ZC2HC1B: variants seen among roughly 807,000 people sequenced by gnomAD.
The protein encoded by ZC2HC1B is zinc finger C2HC domain-containing protein 1B.
ZC2HC1B carries 36 observed loss-of-function variants against 31.0 expected under a neutral mutation model. That is an observed-to-expected ratio of 1.16 (90% CI 0.89 to 1.54). The LOEUF is 1.54. Among genes scored for constraint, ZC2HC1B ranks in the 40% most tolerant of loss-of-function variants. ZC2HC1B has a pLI of 0.00. For missense variants in ZC2HC1B, 260 were observed against 268.6 expected (o/e 0.97, Z 0.22); for synonymous variants, 73 against 88.0 (o/e 0.83, Z 0.95).
chr6:143,894,852 A>T (rs986824470), intron 4 of ZC2HC1B, among the ~76,000 whole-genome samples: 3 of 152,196 alleles, frequency 2.0e-5, no homozygotes, highest in Admixed American at 2.0e-4. Flanking sequence ...AATTTCTCTC[A>T]CATTTTAGAT....
intron 6 of ZC2HC1B, among the ~76,000 whole-genome samples, chr6:143,910,943 G>C (rs1777848469): frequency 6.6e-6 from 1 of 152,006 alleles, no homozygotes; most frequent in African/African-American, 2.4e-5. Flanking sequence ...TGTGGAGATG[G>C]GGTTTAACCA....
intron 6 of ZC2HC1B, among the ~76,000 whole-genome samples, chr6:143,928,519 T>C (rs1430267383): frequency 1.3e-5 from 2 of 152,166 alleles, no homozygotes; most frequent in African/African-American, 2.4e-5. Flanking sequence ...TATAGACTTA[T>C]AGTATAATGT....
Position 143,871,333 on chromosome 6 carries a change from G to C in ZC2HC1B, c.28+6766G>C, listed in dbSNP as rs1241588828. 6.6e-6 allele frequency among the ~76,000 whole-genome samples: 1 copy of C among 152,174 alleles called. No homozygotes were observed. The highest frequency in any genetic ancestry group is 1.9e-4 in the East Asian group (1 of 5,192). The stretch of plus-strand genomic sequence containing the variant: ...TCTCTGAATAAGATTATGACACAAA[G>C]CCAAACAGTTAATATACCTCTGAGG... On this transcript the variant is annotated intron_variant, in intron 1 of 7. Coordinates refer to ENST00000237275, the MANE Select transcript of ZC2HC1B (RefSeq NM_001013623.3). This position sits in a 1 kb window ranked among gnomAD's most constrained non-coding sequence, Gnocchi z 4.1.
At chr6:143,909,152 C>T (rs552945988) in intron 6 of ZC2HC1B, among the ~76,000 whole-genome samples, 1 of 152,240 alleles carries the variant, frequency 6.6e-6, no homozygotes, top group South Asian at 2.1e-4. Flanking sequence ...TTTTGATGTG[C>T]TGCTGGATTT....
At position 143,903,151 on chromosome 6, in the gene ZC2HC1B, A is replaced by G. The variant is rs763689051; in HGVS notation, c.597A>G (p.Ser199=). ...LVATNEVPTK[S]GLAMDPASGA... is the part of the protein sequence containing the mutation. ...CCACGAATGAAGTCCCAACCAAGTC[A>G]GGTGAGTCAAAGCACGCATTTCATC... The change falls in exon 6 of 8, where the codon TCA becomes TCG. Residue 199 remains serine (S), a splice_region_variant and synonymous_variant. Coordinates refer to ENST00000237275, the MANE Select transcript of ZC2HC1B (RefSeq NM_001013623.3). The surrounding 1 kb of genome is among the most constrained non-coding windows in gnomAD (Gnocchi z 4.3). The G allele has an allele frequency of 2.1e-5, 32 of 1,552,176 alleles. No homozygotes were observed. The South Asian group carries it at 3.8e-4, about 18-fold the overall frequency.
rs930505203 is a variant in ZC2HC1B, at chr6:143,864,571, A to G, written c.28+4A>G. On this transcript the variant is annotated splice_donor_region_variant and intron_variant, in intron 1 of 7. Coordinates refer to ENST00000237275, the MANE Select transcript of ZC2HC1B (RefSeq NM_001013623.3). ...GGGGCAGAACCATTTTTGGCAGGTG[A>G]GCTGCACTTGATATCTAAATTATTA... The G allele has an allele frequency of 6.4e-7, 1 of 1,551,586 alleles. No homozygotes were observed.
In ZC2HC1B at chr6:143,905,681, C is replaced by T. The variant is rs936740763; in HGVS notation, c.598+2529C>T. On this transcript the variant is annotated intron_variant, in intron 6 of 7. Coordinates refer to ENST00000237275, the MANE Select transcript of ZC2HC1B (RefSeq NM_001013623.3). This position sits in a 1 kb window ranked among gnomAD's most constrained non-coding sequence, Gnocchi z 4.2. ...GTCTTTCAGCATTGAGTATGGTGAT[C>T]TCTGTGGGTTTTACATGTATGGTTT... 1.4e-4 allele frequency among the ~76,000 whole-genome samples: 22 copies of T among 152,086 alleles called. No homozygotes were observed. The highest frequency in any genetic ancestry group is 3.3e-4 in the Admixed American group (5 of 15,276).
chr6:143,882,982 T>C (rs1179857643), intron 1 of ZC2HC1B, among the ~76,000 whole-genome samples: 2 of 152,180 alleles, frequency 1.3e-5, no homozygotes, highest in Non-Finnish European at 2.9e-5. Context: ...GTTGACTCTT[T>C]GATACAGAAT....
In ZC2HC1B at chr6:143,885,916, A is replaced by G; in HGVS notation, c.91-116A>G. 2.5e-6 allele frequency: 3 copies of G among 1,196,144 alleles called. No individual in the cohort carries two copies. The allele number at this position is 1,196,144 out of a possible 1,614,324, so 74.1% of individuals were successfully genotyped here. ...CTCTGCTGTGACCTGTTAGAGAATG[A>G]ACTAGGCTCTGAGGAGCAAACATAG... On this transcript the variant is annotated intron_variant, in intron 2 of 7. Transcript: ENST00000237275. The surrounding 1 kb of genome is among the most constrained non-coding windows in gnomAD (Gnocchi z 4.2).
intron 5 of ZC2HC1B, among the ~76,000 whole-genome samples, chr6:143,901,249 CCTTTTTTT>C (rs918776906): frequency 7.8e-6 from 1 of 127,796 alleles, no homozygotes; most frequent in African/African-American, 3.3e-5. Flanking sequence ...TTTCTTTCTT[CCTTTTTTT>C]TTTTTTTTTT....
intron 6 of ZC2HC1B, among the ~76,000 whole-genome samples, chr6:143,935,194 G>A (rs964953060): frequency 6.6e-6 from 1 of 152,064 alleles, no homozygotes; most frequent in African/African-American, 2.4e-5. Flanking sequence ...AATAGGCTGA[G>A]CAGACTCACC....
intron 6 of ZC2HC1B, among the ~76,000 whole-genome samples, chr6:143,909,849 A>G (rs910067221): frequency 3.3e-5 from 5 of 151,960 alleles, no homozygotes; most frequent in Non-Finnish European, 5.9e-5. Flanking sequence ...ATTAATCTTA[A>G]AAAAGCAGTT....
At chr6:143,926,382 G>T (rs1358634765) in intron 6 of ZC2HC1B, among the ~76,000 whole-genome samples, 2 of 152,108 alleles carry the variant, frequency 1.3e-5, no homozygotes, top group Non-Finnish European at 2.9e-5. Context: ...CCCAATGGCT[G>T]TTAAGCATGT....
rs975549662 is a variant in ZC2HC1B at position 143,886,946 on chromosome 6, A to G, written c.349+125A>G. 4.0e-6 allele frequency: 4 copies of G among 1,012,524 alleles called. No individual in the cohort carries two copies. The Admixed American group carries it at 1.2e-4, about 30-fold the overall frequency. 62.7% of individuals were successfully genotyped at this position (1,012,524 alleles called of 1,614,324 possible). ...GAAGTAATTTTATTAATTATATAAA[A>G]GTAAACATCCTATTTTTTTCAATTC... On this transcript the variant is annotated intron_variant, in intron 4 of 7. Coordinates refer to ENST00000237275, the MANE Select transcript of ZC2HC1B (RefSeq NM_001013623.3). The surrounding 1 kb of genome is among the most constrained non-coding windows in gnomAD (Gnocchi z 4.2).
rs1044445191 is a variant in ZC2HC1B at position 143,885,294 on chromosome 6, G to C, written c.91-738G>C. 1.2e-4 allele frequency among the ~76,000 whole-genome samples: 19 copies of C among 152,210 alleles called. No homozygotes were observed. The highest frequency in any genetic ancestry group is 4.6e-4 in the African/African-American group (19 of 41,452). On this transcript the variant is annotated intron_variant, in intron 2 of 7. Coordinates refer to ENST00000237275, the MANE Select transcript of ZC2HC1B (RefSeq NM_001013623.3). This position sits in a 1 kb window ranked among gnomAD's most constrained non-coding sequence, Gnocchi z 4.2. ...AGCTTGCGGGGCTGGTTGTGGCCCTGTAGTCCACCAGTGTGTGTCACTGCC... is the reference window on the plus strand; with the variant it reads ...AGCTTGCGGGGCTGGTTGTGGCCCTCTAGTCCACCAGTGTGTGTCACTGCC...
At chr6:143,873,091 T>C (rs1777363111) in intron 1 of ZC2HC1B, among the ~76,000 whole-genome samples, 1 of 152,210 alleles carries the variant, frequency 6.6e-6, no homozygotes, top group Non-Finnish European at 1.5e-5. Flanking sequence ...GCTAGTTACT[T>C]CCTAGATAAA....
intron 6 of ZC2HC1B, among the ~76,000 whole-genome samples, chr6:143,914,411 A>G (rs148647897): frequency 1.1e-4 from 17 of 152,254 alleles, no homozygotes; most frequent in Admixed American, 5.2e-4. Context: ...TTTCTGCTTT[A>G]TCTCACCGTG....
chr6:143,902,772 T>C (rs114200786), intron 5 of ZC2HC1B, among the ~76,000 whole-genome samples: 2,182 of 152,304 alleles, frequency 0.014, 68 homozygotes, highest in African/African-American at 0.05. Flanking sequence ...ACTAATTTTA[T>C]AGGATAAATA....
At chr6:143,920,902 G>A (rs1166484099) in intron 6 of ZC2HC1B, among the ~76,000 whole-genome samples, 27 of 120,904 alleles carry the variant, frequency 2.2e-4, no homozygotes, top group African/African-American at 4.2e-4. Flanking sequence ...GAGAGACTCC[G>A]TCTCAAAAAA....
Sources: gnomAD v4.1 joint callset for allele counts (sites outside exome capture counted in the v4.1 genomes callset) on GRCh38, gnomAD v4.1.1 for gene constraint, Gnocchi (gnomAD v3.1) non-coding constraint, MANE v1.5 for transcripts, NCBI Gene and HGNC (gene_info 2026-07-23, HGNC 2026-07-21) for gene names.